The following LINGO2 variants were observed in gnomAD, a reference collection of about 807,000 sequenced individuals.
LINGO2 encodes leucine-rich repeat and immunoglobulin-like domain-containing nogo receptor-interacting protein 2.
A neutral mutation model predicts 30.6 loss-of-function variants in LINGO2; 14 were observed. That is an observed-to-expected ratio of 0.46 (90% confidence interval 0.30 to 0.72). LINGO2 has a LOEUF of 0.72. Ranked by LOEUF, LINGO2 falls within the 30% of genes least tolerant of loss-of-function variation. LINGO2 has a pLI of 0.07. For missense variants in LINGO2, 729 were observed against 751.7 expected (o/e 0.97, Z 0.35); for synonymous variants, 317 against 288.5 (o/e 1.10, Z -1.00).
chr9:29,001,667 A>G, the LINGO2 span, among the ~76,000 whole-genome samples: 3 of 152,046 alleles, frequency 2.0e-5, no homozygotes, highest in Non-Finnish European at 4.4e-5. Flanking sequence ...GCAATTATTT[A>G]TACATACATT....
chr9:28,426,232 A>T (rs1823405463), intron 2 of LINGO2, among the ~76,000 whole-genome samples: 4 of 152,078 alleles, frequency 2.6e-5, no homozygotes, highest in Non-Finnish European at 5.9e-5. Context: ...TAAATAGCAC[A>T]TCCCCCTCCA....
intron 4 of LINGO2, among the ~76,000 whole-genome samples, chr9:28,121,974 C>T (rs1039220734): frequency 9.9e-5 from 15 of 151,950 alleles, no homozygotes; most frequent in Admixed American, 3.9e-4. Flanking sequence ...AAAATAAATG[C>T]CACCATCTCT....
At chr9:29,192,069 A>G in the LINGO2 span, among the ~76,000 whole-genome samples, 1 of 152,166 alleles carries the variant, frequency 6.6e-6, no homozygotes, top group South Asian at 2.1e-4. Context: ...ACTATCTATG[A>G]TACAGTTACC....
At chr9:28,171,554 G>A (rs999578533) in intron 4 of LINGO2, among the ~76,000 whole-genome samples, 1 of 152,156 alleles carries the variant, frequency 6.6e-6, no homozygotes, top group African/African-American at 2.4e-5. Flanking sequence ...TAAGGGCATG[G>A]ACAGAAGTCC....
At chr9:29,043,842 A>T in the LINGO2 span, among the ~76,000 whole-genome samples, 4 of 152,072 alleles carry the variant, frequency 2.6e-5, no homozygotes, top group Non-Finnish European at 4.4e-5. Flanking sequence ...TTGACTGGAA[A>T]GAACCTCATT....
chr9:28,431,959 AG>A, intron 2 of LINGO2, among the ~76,000 whole-genome samples: 1 of 152,070 alleles, frequency 6.6e-6, no homozygotes, highest in African/African-American at 2.4e-5. Context: ...CTAAATACGT[AG>A]GTGATGGGAA....
At chr9:28,421,726 C>T (rs545096324) in intron 2 of LINGO2, among the ~76,000 whole-genome samples, 4 of 152,110 alleles carry the variant, frequency 2.6e-5, no homozygotes, top group South Asian at 4.1e-4. Flanking sequence ...CATACATAAG[C>T]GTACCACAGC....
chr9:28,804,538 A>G, the LINGO2 span, among the ~76,000 whole-genome samples: 1 of 101,822 alleles, frequency 9.8e-6, no homozygotes, highest in Non-Finnish European at 2.2e-5. Flanking sequence ...TCACGGCAAA[A>G]ACAAAAACAA....
intron 1 of LINGO2, among the ~76,000 whole-genome samples, chr9:28,541,275 C>A (rs1377051851): frequency 2.0e-5 from 3 of 152,016 alleles, no homozygotes; most frequent in Admixed American, 6.6e-5. Context: ...ACTCTGTGAT[C>A]TTTTAAGACA....
At chr9:28,709,697 TAAACA>T in the LINGO2 span, among the ~76,000 whole-genome samples, 3 of 151,894 alleles carry the variant, frequency 2.0e-5, no homozygotes, top group Admixed American at 6.6e-5. Flanking sequence ...ATTCTGCACA[TAAACA>T]AAACATCTAT....
chr9:28,518,817 A>G (rs1236091144), intron 1 of LINGO2, among the ~76,000 whole-genome samples: 1 of 152,172 alleles, frequency 6.6e-6, no homozygotes, highest in African/African-American at 2.4e-5. Flanking sequence ...TTAAATTTGT[A>G]TGCTTTTCTC....
intron 2 of LINGO2, among the ~76,000 whole-genome samples, chr9:28,408,649 T>G (rs1175326466): frequency 1.3e-5 from 2 of 150,700 alleles, no homozygotes; most frequent in Non-Finnish European, 3.0e-5. Context: ...GGGATGGCAT[T>G]AGGAGATATA....
chr9:27,944,906 T>C (rs1202204635), downstream of LINGO2, among the ~76,000 whole-genome samples: 2 of 152,142 alleles, frequency 1.3e-5, no homozygotes, highest in South Asian at 2.1e-4. Flanking sequence ...AGGAAGAACA[T>C]AATCTCTGAT....
At chr9:28,634,026 G>A (rs1234927444) in intron 1 of LINGO2, among the ~76,000 whole-genome samples, 1 of 152,070 alleles carries the variant, frequency 6.6e-6, no homozygotes, top group Non-Finnish European at 1.5e-5. Flanking sequence ...CAAGGGCTCT[G>A]GATAAGAACA....
At chr9:27,994,609 C>G (rs1397080800) in intron 5 of LINGO2, among the ~76,000 whole-genome samples, 1 of 152,138 alleles carries the variant, frequency 6.6e-6, no homozygotes, top group African/African-American at 2.4e-5. Flanking sequence ...TTTAACCTGT[C>G]AGAACGTAGT....
chr9:28,491,475 T>A (rs571688923), intron 1 of LINGO2, among the ~76,000 whole-genome samples: 10 of 152,154 alleles, frequency 6.6e-5, no homozygotes, highest in Non-Finnish European at 1.2e-4. Flanking sequence ...CATTCACAGG[T>A]TCCAAGCAGC....
the LINGO2 span, among the ~76,000 whole-genome samples, chr9:29,036,672 C>T: frequency 6.6e-6 from 1 of 151,960 alleles, no homozygotes; most frequent in Non-Finnish European, 1.5e-5. Flanking sequence ...TTTCTGATCA[C>T]TATCACTCAT....
intron 1 of LINGO2, among the ~76,000 whole-genome samples, chr9:28,476,525 G>A (rs7874353): frequency 1.3e-5 from 2 of 151,894 alleles, no homozygotes; most frequent in South Asian, 2.1e-4. Context: ...TCCTCCCGCC[G>A]CGGCCTCCCA....
the LINGO2 span, among the ~76,000 whole-genome samples, chr9:28,850,835 G>A: frequency 6.6e-6 from 1 of 151,956 alleles, no homozygotes; most frequent in African/African-American, 2.4e-5. Flanking sequence ...GAGAAGAGAG[G>A]AACACTGATC....
Sources: gnomAD v4.1 joint callset for allele counts (sites outside exome capture counted in the v4.1 genomes callset) on GRCh38, gnomAD v4.1.1 for gene constraint, MANE v1.5 for transcripts, NCBI Gene and HGNC (gene_info 2026-07-23, HGNC 2026-07-21) for gene names.